Variants in RBFOX3 observed in about 807,000 individuals in gnomAD.
RBFOX3 encodes RNA binding fox-1 homolog 3, also known as RNA binding protein fox-1 homolog 3.
RBFOX3 carries 17 observed loss-of-function variants against 48.7 expected under a neutral mutation model. The observed-to-expected ratio is 0.35, with a 90% CI of 0.24 to 0.52. The LOEUF (loss-of-function observed/expected upper bound fraction) is 0.52. Ranked by LOEUF, RBFOX3 falls within the 20% of genes least tolerant of loss-of-function variation. The pLI is 0.94. For synonymous variants in RBFOX3, 212 were observed against 209.5 expected (o/e 1.01, Z -0.10); for missense variants, 382 against 497.5 (o/e 0.77, Z 2.21).
chr17:79,150,178 C>T (rs1340806143), intron 4 of RBFOX3, among the ~76,000 whole-genome samples: 1 of 151,772 alleles, frequency 6.6e-6, no homozygotes, highest in Non-Finnish European at 1.5e-5. Flanking sequence ...GGGTGGTGGG[C>T]AGCGGTGGGC....
intron 2 of RBFOX3, among the ~76,000 whole-genome samples, chr17:79,434,822 T>C (rs1555730211): frequency 1.3e-5 from 2 of 152,146 alleles, no homozygotes; most frequent in Admixed American, 6.5e-5. Context: ...ACTTTTTCTC[T>C]GGAGATGGAC....
chr17:79,304,442 T>C (rs1160496256), intron 3 of RBFOX3, among the ~76,000 whole-genome samples: 3 of 139,770 alleles, frequency 2.1e-5, no homozygotes, highest in African/African-American at 8.3e-5. Flanking sequence ...TATATATGTG[T>C]ATATATATAT....
At chr17:79,435,999 G>A (rs1231981941) in intron 2 of RBFOX3, among the ~76,000 whole-genome samples, 2 of 152,186 alleles carry the variant, frequency 1.3e-5, no homozygotes, top group East Asian at 1.9e-4. Context: ...GATCTCAGAC[G>A]CTCCCTGCAG....
At chr17:79,572,824 G>A (rs922225668) in intron 1 of RBFOX3, among the ~76,000 whole-genome samples, 142 of 152,284 alleles carry the variant, frequency 9.3e-4, no homozygotes, top group African/African-American at 3.1e-3. Flanking sequence ...CTGCAGGGAC[G>A]CAGAGGCTGG....
rs1168518979 is a variant in RBFOX3, at chr17:79,204,014, TG to T, written c.-34+31751del. On this transcript the variant is annotated intron_variant, in intron 4 of 14. Coordinates refer to ENST00000693108, the MANE Select transcript of RBFOX3 (RefSeq NM_001350451.2). The surrounding 1 kb of genome is among the most constrained non-coding windows in gnomAD (Gnocchi z 4.5). Reference sequence around the variant, plus strand: ...AAATTCCCTGAACGCTCTGGGCTGGTGGAAGTGGCCCCTTCCATCTTTGCTA... The same window carrying T: ...AAATTCCCTGAACGCTCTGGGCTGGTGAAGTGGCCCCTTCCATCTTTGCTA... Among the ~76,000 whole-genome samples the T allele has an allele frequency of 1.3e-5, 2 of 152,120 alleles. No homozygotes were observed. Among genetic ancestry groups the T allele is most frequent in the African/African-American group, 4.8e-5 (2 of 41,386 alleles).
chr17:79,292,584 GCACA>G (rs937932598), intron 3 of RBFOX3, among the ~76,000 whole-genome samples: 3 of 63,636 alleles, frequency 4.7e-5, no homozygotes, highest in African/African-American at 1.4e-4. Context: ...ACACACACAT[GCACA>G]CACACACACA....
intron 2 of RBFOX3, among the ~76,000 whole-genome samples, chr17:79,355,014 GC>G (rs1296709009): frequency 1.3e-5 from 2 of 152,096 alleles, no homozygotes; most frequent in Non-Finnish European, 2.9e-5. Context: ...CTAATAGTCC[GC>G]CCCTCTAATG....
the RBFOX3 span, among the ~76,000 whole-genome samples, chr17:79,624,741 G>A: frequency 6.6e-6 from 1 of 152,160 alleles, no homozygotes; most frequent in African/African-American, 2.4e-5. Flanking sequence ...GGCAGCCCTT[G>A]GAGCCTGCAG....
rs114063440 is a variant in RBFOX3 at position 79,457,884 on chromosome 17, G to A, written c.-175+24570C>T. 5.1e-3 allele frequency among the ~76,000 whole-genome samples: 780 copies of A among 152,364 alleles called. 9 individuals are homozygous for A. The highest frequency in any genetic ancestry group is 0.018 in the African/African-American group (743 of 41,576). Reference sequence around the variant, plus strand: ...CCCAGCACAACGGCAGAAAGAAGGTGTTCAGGAAAGGGTGTGGCAGTCAAT... The same window carrying A: ...CCCAGCACAACGGCAGAAAGAAGGTATTCAGGAAAGGGTGTGGCAGTCAAT... On this transcript the variant is annotated intron_variant, in intron 2 of 14. Transcript: ENST00000693108.
At chr17:79,255,868 C>T (rs1346274840) in intron 3 of RBFOX3, among the ~76,000 whole-genome samples, 2 of 151,216 alleles carry the variant, frequency 1.3e-5, no homozygotes, top group Non-Finnish European at 2.9e-5. Flanking sequence ...GGGACTGAAT[C>T]GACACCACTT....
chr17:79,663,936 G>A, the RBFOX3 span, among the ~76,000 whole-genome samples: 5 of 152,124 alleles, frequency 3.3e-5, no homozygotes, highest in African/African-American at 4.8e-5. Flanking sequence ...GAACTGAGGC[G>A]TGAAACTTGA....
At chr17:79,323,332 T>C (rs987502741) in intron 2 of RBFOX3, among the ~76,000 whole-genome samples, 2 of 152,208 alleles carry the variant, frequency 1.3e-5, no homozygotes, top group Admixed American at 1.3e-4. Flanking sequence ...ACTTACTCTT[T>C]CAGTGTTTGT....
chr17:79,104,463 C>G (rs557297930), intron 6 of RBFOX3, among the ~76,000 whole-genome samples: 356 of 152,248 alleles, frequency 2.3e-3, no homozygotes, highest in Non-Finnish European at 3.8e-3. Context: ...GACACTAACT[C>G]CAGCTGCCAG....
rs74000066 is a variant in RBFOX3 at position 79,421,910 on chromosome 17, C to A, written c.-175+60544G>T. Among the ~76,000 whole-genome samples, 1 of 152,124 alleles carries A rather than the reference C, an allele frequency of 6.6e-6. No individual in the cohort carries two copies. Among genetic ancestry groups the A allele is most frequent in the Non-Finnish European group, 1.5e-5 (1 of 68,014 alleles). On this transcript the variant is annotated intron_variant, in intron 2 of 14. Transcript: ENST00000693108. The surrounding 1 kb of genome is among the most constrained non-coding windows in gnomAD (Gnocchi z 4.5). ...CACGCCCCACCCCAAGCTGCCCGGTCCTCAGCAACTGGCCCCATGTTCCAC... is the reference window on the plus strand; with the variant it reads ...CACGCCCCACCCCAAGCTGCCCGGTACTCAGCAACTGGCCCCATGTTCCAC...
intron 3 of RBFOX3, among the ~76,000 whole-genome samples, chr17:79,268,001 A>G (rs1302330484): frequency 6.6e-6 from 1 of 152,168 alleles, no homozygotes; most frequent in Non-Finnish European, 1.5e-5. Context: ...TTCAACCTGC[A>G]CATGTCAAAA....
rs2078097576 is a variant in RBFOX3 at position 79,477,542 on chromosome 17, CGA to C, written c.-175+4910_-175+4911del. Among the ~76,000 whole-genome samples the C allele has an allele frequency of 6.7e-6, 1 of 148,412 alleles. No homozygotes were observed. The highest frequency in any genetic ancestry group is 1.5e-5 in the Non-Finnish European group (1 of 67,462). Reference sequence around the variant, plus strand: ...TCGCACTCCAGCCTGGGCGACAGAGCGAAACTCCGTCACCGGAAAAAAAAAAA... The same window carrying C: ...TCGCACTCCAGCCTGGGCGACAGAGCAACTCCGTCACCGGAAAAAAAAAAA... On this transcript the variant is annotated intron_variant, in intron 2 of 14. Transcript: ENST00000693108. The surrounding 1 kb of genome is among the most constrained non-coding windows in gnomAD (Gnocchi z 4.8).
chr17:79,093,648 T>C (rs2146177380), intron 14 of RBFOX3, among the ~76,000 whole-genome samples: 1 of 152,236 alleles, frequency 6.6e-6, no homozygotes, highest in South Asian at 2.1e-4. Context: ...TCCCAAGATG[T>C]TTTCATCTTT....
chr17:79,526,129 C>G (rs1219105618), intron 1 of RBFOX3, among the ~76,000 whole-genome samples: 2 of 152,222 alleles, frequency 1.3e-5, no homozygotes, highest in African/African-American at 4.8e-5. Flanking sequence ...CTGGAGGTGA[C>G]GCCAACACTG....
intron 1 of RBFOX3, among the ~76,000 whole-genome samples, chr17:79,503,402 AAAAAATT>A (rs1487252860): frequency 6.6e-6 from 1 of 152,236 alleles, no homozygotes; most frequent in Non-Finnish European, 1.5e-5. Flanking sequence ...GCCATATTTT[AAAAAATT>A]GAAAACAAGC....
Sources: gnomAD v4.1 joint callset for allele counts (sites outside exome capture counted in the v4.1 genomes callset) on GRCh38, gnomAD v4.1.1 for gene constraint, Gnocchi (gnomAD v3.1) non-coding constraint, MANE v1.5 for transcripts, NCBI Gene and HGNC (gene_info 2026-07-23, HGNC 2026-07-21) for gene names.